Variants in LUZP2 observed in about 807,000 individuals in gnomAD.
LUZP2 encodes leucine zipper protein 2.
In LUZP2, 52 loss-of-function variants were observed where a neutral mutation model predicts 51.6. The ratio of observed to expected loss-of-function variants is 1.01; its 90% CI spans 0.81 to 1.27. The LOEUF (loss-of-function observed/expected upper bound fraction) is 1.27, where lower values mean the gene tolerates loss of function less well. Ranked by LOEUF, LUZP2 falls within the 50% of genes most tolerant of loss-of-function variation. LUZP2 has a pLI of 0.00. For synonymous variants in LUZP2, 154 were observed against 137.3 expected, an observed-to-expected ratio of 1.12 and a Z score of -0.85; for missense variants, 436 against 395.4, an observed-to-expected ratio of 1.10 and a Z score of -0.87.
chr11:24,526,430 G>T (rs1850807563), intron 1 of LUZP2, among the ~76,000 whole-genome samples: 1 of 144,062 alleles, frequency 6.9e-6, no homozygotes, highest in Non-Finnish European at 1.5e-5. Flanking sequence ...TTGGATTTGG[G>T]ATACAATTTT....
At chr11:25,036,614 A>G (rs1434772802) in intron 9 of LUZP2, among the ~76,000 whole-genome samples, 1 of 152,034 alleles carries the variant, frequency 6.6e-6, no homozygotes, top group Admixed American at 6.6e-5. Context: ...CTTAAGATTA[A>G]ACTTTCCTCA....
At chr11:24,860,913 C>T (rs530568257) in intron 5 of LUZP2, among the ~76,000 whole-genome samples, 5 of 152,240 alleles carry the variant, frequency 3.3e-5, no homozygotes, top group Admixed American at 1.3e-4. Flanking sequence ...TCCAAATGAT[C>T]GCAACATTTT....
intron 9 of LUZP2, among the ~76,000 whole-genome samples, chr11:25,031,803 C>A (rs529957022): frequency 7.2e-4 from 109 of 152,152 alleles, no homozygotes; most frequent in African/African-American, 2.0e-3. Flanking sequence ...ATAAAGTTTA[C>A]AAATTTTTTA....
At chr11:24,937,121 T>A (rs1321745737) in intron 7 of LUZP2, among the ~76,000 whole-genome samples, 1 of 152,196 alleles carries the variant, frequency 6.6e-6, no homozygotes, top group African/African-American at 2.4e-5. Context: ...CTGCATTACA[T>A]GCTTCAAGGG....
intron 9 of LUZP2, among the ~76,000 whole-genome samples, chr11:25,038,215 A>T (rs1351789338): frequency 6.6e-6 from 1 of 152,068 alleles, no homozygotes; most frequent in African/African-American, 2.4e-5. Context: ...TAAATTCTTT[A>T]AAAAATTTTT....
At chr11:24,833,036 TA>T (rs1362085451) in intron 5 of LUZP2, among the ~76,000 whole-genome samples, 9 of 152,204 alleles carry the variant, frequency 5.9e-5, no homozygotes, top group Non-Finnish European at 1.2e-4. Flanking sequence ...TAAAATGATG[TA>T]AAATTAAGCA....
At chr11:24,988,411 C>T (rs1050409737) in intron 9 of LUZP2, among the ~76,000 whole-genome samples, 1 of 151,876 alleles carries the variant, frequency 6.6e-6, no homozygotes, top group Non-Finnish European at 1.5e-5. Context: ...AAACTCTATT[C>T]CCTAGGTTTC....
chr11:24,905,378 A>T (rs1237196206), intron 5 of LUZP2, among the ~76,000 whole-genome samples: 2 of 152,064 alleles, frequency 1.3e-5, no homozygotes, highest in Non-Finnish European at 2.9e-5. Context: ...TACAAAAAAA[A>T]TTAGCCAGGC....
intron 5 of LUZP2, among the ~76,000 whole-genome samples, chr11:24,773,057 T>C (rs80164168): frequency 0.082 from 12,095 of 147,740 alleles, 1,042 homozygotes; most frequent in African/African-American, 0.22. Flanking sequence ...TGTGGCATTT[T>C]GTATATTCCT....
intron 1 of LUZP2, among the ~76,000 whole-genome samples, chr11:24,602,954 G>A (rs11028054): frequency 0.31 from 46,833 of 151,484 alleles, 7,587 homozygotes; most frequent in African/African-American, 0.37. Flanking sequence ...CAATGTAAAT[G>A]TTTATATTAA....
chr11:24,621,881 T>A (rs1854506334), intron 1 of LUZP2, among the ~76,000 whole-genome samples: 1 of 152,042 alleles, frequency 6.6e-6, no homozygotes. Flanking sequence ...CTTTTCTTAT[T>A]TTTTATAATT....
chr11:24,880,112 C>T (rs938381333), intron 5 of LUZP2, among the ~76,000 whole-genome samples: 8 of 152,178 alleles, frequency 5.3e-5, no homozygotes, highest in African/African-American at 1.7e-4. Context: ...GTGGTGATGC[C>T]TGCCAAAACT....
At chr11:24,658,168 C>T (rs572418458) in intron 1 of LUZP2, among the ~76,000 whole-genome samples, 1 of 152,296 alleles carries the variant, frequency 6.6e-6, no homozygotes, top group South Asian at 2.1e-4. Flanking sequence ...TACCTGACTT[C>T]AAACTATGCT....
chr11:24,536,070 C>G (rs1201831640), intron 1 of LUZP2, among the ~76,000 whole-genome samples: 1 of 151,676 alleles, frequency 6.6e-6, no homozygotes, highest in African/African-American at 2.4e-5. Flanking sequence ...ATCTTTTGTT[C>G]TGAGCAGTAG....
chr11:24,586,629 A>G (rs1184673437), intron 1 of LUZP2, among the ~76,000 whole-genome samples: 2 of 152,106 alleles, frequency 1.3e-5, no homozygotes, highest in Non-Finnish European at 2.9e-5. Context: ...ATAAAATACA[A>G]GTGACCTTGT....
At chr11:24,710,847 T>C (rs1354303337) in intron 1 of LUZP2, among the ~76,000 whole-genome samples, 1 of 150,652 alleles carries the variant, frequency 6.6e-6, no homozygotes, top group Non-Finnish European at 1.5e-5. Flanking sequence ...TCATTTCTGA[T>C]ATTCAAGCAT....
chr11:25,008,532 G>A (rs531838904), intron 9 of LUZP2, among the ~76,000 whole-genome samples: 2 of 152,284 alleles, frequency 1.3e-5, no homozygotes, highest in African/African-American at 2.4e-5. Flanking sequence ...TTGCAGCTTG[G>A]TGAACTGGGG....
intron 1 of LUZP2, among the ~76,000 whole-genome samples, chr11:24,559,132 G>A (rs1207580501): frequency 6.6e-6 from 1 of 151,856 alleles, no homozygotes; most frequent in African/African-American, 2.4e-5. Flanking sequence ...TATAATGTAT[G>A]GAATTGAAAT....
chr11:24,856,743 A>C (rs552073725), intron 5 of LUZP2, among the ~76,000 whole-genome samples: 1 of 152,062 alleles, frequency 6.6e-6, no homozygotes, highest in Non-Finnish European at 1.5e-5. Context: ...TACATAACTT[A>C]ATGTCTTATC....
Sources: allele counts gnomAD v4.1 joint callset (sites outside exome capture counted in the v4.1 genomes callset), GRCh38; gene constraint gnomAD v4.1.1; transcripts MANE v1.5; gene names NCBI Gene and HGNC (gene_info 2026-07-23, HGNC 2026-07-21).